MAGI2: variants seen among roughly 807,000 people sequenced by gnomAD.
MAGI2 encodes the protein membrane associated guanylate kinase, WW and PDZ domain containing 2.
In MAGI2, 35 loss-of-function variants were observed where a neutral mutation model predicts 133.3. That is an observed-to-expected ratio of 0.26 (90% CI 0.20 to 0.35). The LOEUF (loss-of-function observed/expected upper bound fraction) is 0.35. MAGI2 is among the 10% of genes least tolerant of loss of function. The pLI is 1.00. For synonymous variants in MAGI2, 729 were observed against 710.6 expected (o/e 1.03, Z -0.41); for missense variants, 1,636 against 1,863.4 (o/e 0.88, Z 2.25).
chr7:78,728,818 G>T (rs895068661), intron 2 of MAGI2, among the ~76,000 whole-genome samples: 1 of 124,542 alleles, frequency 8.0e-6, no homozygotes, highest in Non-Finnish European at 1.8e-5. Flanking sequence ...GCCCGCCTCG[G>T]CCTCCCAAAG....
chr7:78,490,069 A>C (rs750731804), intron 5 of MAGI2: 1 of 470,890 alleles, frequency 2.1e-6, no homozygotes, highest in African/African-American at 2.0e-5. Flanking sequence ...ATTAAAATCA[A>C]CTAGAATGTT....
chr7:78,257,359 A>T (rs1243978330), intron 9 of MAGI2, among the ~76,000 whole-genome samples: 1 of 152,192 alleles, frequency 6.6e-6, no homozygotes, highest in African/African-American at 2.4e-5. Context: ...TTAAAATAGG[A>T]TGGAGGAGAT....
intron 1 of MAGI2, among the ~76,000 whole-genome samples, chr7:79,062,656 A>G (rs1813867986): frequency 6.6e-6 from 1 of 152,132 alleles, no homozygotes; most frequent in African/African-American, 2.4e-5. Flanking sequence ...AGAAAAATAT[A>G]TATTTTCATG....
intron 21 of MAGI2, among the ~76,000 whole-genome samples, chr7:78,024,252 A>G (rs1392029103): frequency 6.6e-6 from 1 of 152,110 alleles, no homozygotes; most frequent in Non-Finnish European, 1.5e-5. Flanking sequence ...GCTTGGTCTT[A>G]CATAGTTTTC....
chr7:78,239,720 CT>C (rs755363653), intron 10 of MAGI2, among the ~76,000 whole-genome samples: 1 of 152,196 alleles, frequency 6.6e-6, no homozygotes. Flanking sequence ...CGCCTCGCTC[CT>C]GTTAGAATAG....
At chr7:78,383,903 TA>T (rs1289096324) in intron 6 of MAGI2, among the ~76,000 whole-genome samples, 1 of 152,194 alleles carries the variant, frequency 6.6e-6, no homozygotes, top group Non-Finnish European at 1.5e-5. Context: ...CAGCTAGCTG[TA>T]AATATGTGGC....
intron 10 of MAGI2, among the ~76,000 whole-genome samples, chr7:78,225,589 G>A (rs1789295498): frequency 6.6e-6 from 1 of 152,144 alleles, no homozygotes; most frequent in South Asian, 2.1e-4. Context: ...GGCTCCATGT[G>A]TTCACATTTC....
chr7:78,907,262 A>T (rs11973067), intron 2 of MAGI2, among the ~76,000 whole-genome samples: 8,942 of 152,028 alleles, frequency 0.059, 330 homozygotes, highest in Middle Eastern at 0.095. Context: ...ATCTTTGGTC[A>T]GATTCCTTAA....
chr7:78,743,975 G>A (rs2151260818), intron 2 of MAGI2, among the ~76,000 whole-genome samples: 1 of 152,086 alleles, frequency 6.6e-6, no homozygotes, highest in African/African-American at 2.4e-5. Flanking sequence ...TTGTGTATGA[G>A]TATTTATTTT....
chr7:79,096,577 C>A (rs1198163119), intron 1 of MAGI2, among the ~76,000 whole-genome samples: 1 of 152,188 alleles, frequency 6.6e-6, no homozygotes, highest in African/African-American at 2.4e-5. Flanking sequence ...ATACACAGAA[C>A]AAACATTTAG....
intron 3 of MAGI2, among the ~76,000 whole-genome samples, chr7:78,552,638 T>C (rs1318934568): frequency 6.6e-6 from 1 of 152,142 alleles, no homozygotes; most frequent in Non-Finnish European, 1.5e-5. Flanking sequence ...GTAGATGCCG[T>C]ACTGTAAATT....
intron 1 of MAGI2, among the ~76,000 whole-genome samples, chr7:79,380,208 G>T (rs556077210): frequency 1.1e-4 from 16 of 151,842 alleles, no homozygotes; most frequent in Non-Finnish European, 1.5e-4. Flanking sequence ...GAGTGAACAG[G>T]CAACCTACAG....
intron 1 of MAGI2, among the ~76,000 whole-genome samples, chr7:79,418,551 T>C (rs1023519352): frequency 6.6e-6 from 1 of 152,024 alleles, no homozygotes; most frequent in Non-Finnish European, 1.5e-5. Context: ...ATGTATGAAA[T>C]TGTTTAACAT....
chr7:78,548,938 A>C (rs758972189), intron 3 of MAGI2, among the ~76,000 whole-genome samples: 6 of 152,212 alleles, frequency 3.9e-5, no homozygotes, highest in Admixed American at 3.9e-4. Flanking sequence ...TAAAAAGCAT[A>C]CTGCCTTTCA....
intron 2 of MAGI2, among the ~76,000 whole-genome samples, chr7:78,681,027 A>C (rs1815591665): frequency 6.6e-6 from 1 of 152,170 alleles, no homozygotes; most frequent in Non-Finnish European, 1.5e-5. Context: ...CATCCTGGAC[A>C]GACAAGTTCT....
chr7:79,205,519 C>A (rs1828969651), intron 1 of MAGI2, among the ~76,000 whole-genome samples: 1 of 151,688 alleles, frequency 6.6e-6, no homozygotes, highest in Non-Finnish European at 1.5e-5. Context: ...GAAACAGACA[C>A]TAATATGTAA....
chr7:78,520,644 T>G (rs940120646), intron 4 of MAGI2, among the ~76,000 whole-genome samples: 25 of 152,124 alleles, frequency 1.6e-4, no homozygotes, highest in African/African-American at 5.8e-4. Flanking sequence ...ACAGTTTTGT[T>G]GTTGTTTTGG....
rs992161405 is a variant in MAGI2, at chr7:79,185,201, A to G, written c.302-177995T>C. On this transcript the variant is annotated intron_variant, in intron 1 of 21. Coordinates refer to ENST00000354212, the MANE Select transcript of MAGI2 (RefSeq NM_012301.4). ...AATAATGAGTTTGACAATTTCAGAA[A>G]GAAAAGGATCTGAAGGAAAAATAAT... Among the ~76,000 whole-genome samples, 8 of 151,918 alleles carry G rather than the reference A, an allele frequency of 5.3e-5. 1 individual carries two copies. Among genetic ancestry groups the G allele is most frequent in the African/African-American group, 1.9e-4 (8 of 41,310 alleles).
intron 2 of MAGI2, among the ~76,000 whole-genome samples, chr7:78,728,365 ACCC>A (rs1821022519): frequency 2.0e-5 from 3 of 152,106 alleles, no homozygotes; most frequent in Non-Finnish European, 4.4e-5. Context: ...CATATGCTAT[ACCC>A]GCATGAATTA....
Sources: gnomAD v4.1 joint callset for allele counts (sites outside exome capture counted in the v4.1 genomes callset) on GRCh38, gnomAD v4.1.1 for gene constraint, MANE v1.5 for transcripts, NCBI Gene and HGNC (gene_info 2026-07-23, HGNC 2026-07-21) for gene names.